Variants in CAMKMT observed in about 807,000 individuals in gnomAD.
CAMKMT encodes CaM KMT.
Under a neutral mutation model 48.0 loss-of-function variants are expected in CAMKMT, and 53 were observed. That is an observed-to-expected ratio of 1.10 (90% CI 0.89 to 1.39). The LOEUF is 1.39. Among genes scored for constraint, CAMKMT ranks in the 40% most tolerant of loss-of-function variants. The pLI is 0.00. For synonymous variants in CAMKMT, 165 were observed against 152.3 expected, an observed-to-expected ratio of 1.08 and a Z score of -0.61; for missense variants, 428 against 402.7, an observed-to-expected ratio of 1.06 and a Z score of -0.54.
intron 3 of CAMKMT, among the ~76,000 whole-genome samples, chr2:44,656,651 C>A (rs1253174446): frequency 1.3e-5 from 2 of 152,072 alleles, no homozygotes; most frequent in Non-Finnish European, 2.9e-5. Context: ...ACGCTGAAAC[C>A]CATTGTGCCC....
intron 3 of CAMKMT, among the ~76,000 whole-genome samples, chr2:44,466,069 C>T (rs181136246): frequency 1.1e-4 from 17 of 152,130 alleles, no homozygotes; most frequent in African/African-American, 3.6e-4. Context: ...GAAATAGTAA[C>T]GCAGTTAACA....
chr2:44,621,573 G>A (rs1327959870), intron 3 of CAMKMT, among the ~76,000 whole-genome samples: 1 of 152,200 alleles, frequency 6.6e-6, no homozygotes, highest in African/African-American at 2.4e-5. Flanking sequence ...GGAGCTGAAA[G>A]AAGGAATGTG....
chr2:44,496,141 T>C (rs1669742275), intron 3 of CAMKMT, among the ~76,000 whole-genome samples: 1 of 152,228 alleles, frequency 6.6e-6, no homozygotes, highest in South Asian at 2.1e-4. Context: ...CAGTACAATT[T>C]TACACTGTCC....
At chr2:44,706,377 G>C (rs1437335156) in intron 5 of CAMKMT, 36 bp downstream of exon 5, 2 of 1,609,168 alleles carry the variant, frequency 1.2e-6, no homozygotes, top group Non-Finnish European at 8.5e-7. Context: ...CATTCAGAGG[G>C]AGGAACAAAA....
chr2:44,595,318 T>G, intron 3 of CAMKMT, among the ~76,000 whole-genome samples: 1 of 152,198 alleles, frequency 6.6e-6, no homozygotes, highest in South Asian at 2.1e-4. Flanking sequence ...ACCCAAAGGA[T>G]TATAAATGAA....
At chr2:44,446,585 A>G (rs1213038796) in intron 3 of CAMKMT, among the ~76,000 whole-genome samples, 1 of 152,072 alleles carries the variant, frequency 6.6e-6, no homozygotes, top group African/African-American at 2.4e-5. Context: ...GCCTCAAGTG[A>G]TCCACCCACC....
intron 7 of CAMKMT, among the ~76,000 whole-genome samples, chr2:44,729,773 A>G (rs1284738211): frequency 6.6e-6 from 1 of 152,178 alleles, no homozygotes; most frequent in Non-Finnish European, 1.5e-5. Flanking sequence ...GAAATATTTG[A>G]TGAGGCAAAG....
At chr2:44,670,284 T>A (rs1558784451) in intron 3 of CAMKMT, among the ~76,000 whole-genome samples, 1 of 152,114 alleles carries the variant, frequency 6.6e-6, no homozygotes. Context: ...GAGAGCTCAT[T>A]AAAACACAGA....
chr2:44,379,964 C>A (rs779248704), intron 2 of CAMKMT, among the ~76,000 whole-genome samples: 2 of 152,012 alleles, frequency 1.3e-5, no homozygotes, highest in African/African-American at 4.8e-5. Context: ...TCTTTTGATG[C>A]ACAAAATTTT....
At chr2:44,739,963 G>A (rs894095219) in intron 7 of CAMKMT, among the ~76,000 whole-genome samples, 2 of 152,072 alleles carry the variant, frequency 1.3e-5, no homozygotes, top group African/African-American at 4.8e-5. Context: ...AGATCAAAGG[G>A]GATGGATCTA....
At chr2:44,664,981 C>T (rs1263339707) in intron 3 of CAMKMT, among the ~76,000 whole-genome samples, 4 of 152,094 alleles carry the variant, frequency 2.6e-5, no homozygotes, top group Admixed American at 2.6e-4. Flanking sequence ...ATTGCTACCC[C>T]CCAGGAATTC....
chr2:44,654,159 A>G (rs773486090), intron 3 of CAMKMT, among the ~76,000 whole-genome samples: 2 of 152,230 alleles, frequency 1.3e-5, no homozygotes, highest in Non-Finnish European at 2.9e-5. Flanking sequence ...AAACATTTCA[A>G]ATAGGATTCC....
intron 3 of CAMKMT, among the ~76,000 whole-genome samples, chr2:44,440,648 C>T (rs1018647110): frequency 2.0e-5 from 3 of 152,046 alleles, no homozygotes; most frequent in Admixed American, 6.6e-5. Flanking sequence ...TTCAAGGGCT[C>T]AGTAGCCACA....
chr2:44,553,741 T>G (rs1005179137), intron 3 of CAMKMT, among the ~76,000 whole-genome samples: 2 of 152,188 alleles, frequency 1.3e-5, no homozygotes, highest in African/African-American at 4.8e-5. Context: ...GATGGGAAGA[T>G]AGTCAACTGT....
chr2:44,702,196 G>A (rs2104260848), intron 3 of CAMKMT, among the ~76,000 whole-genome samples: 1 of 152,206 alleles, frequency 6.6e-6, no homozygotes, highest in South Asian at 2.1e-4. Context: ...TTCACTTGGT[G>A]TAGAGCATTG....
chr2:44,733,148 T>C (rs751948926), intron 7 of CAMKMT, among the ~76,000 whole-genome samples: 26 of 152,220 alleles, frequency 1.7e-4, no homozygotes, highest in Non-Finnish European at 2.8e-4. Flanking sequence ...AAATGGAGAC[T>C]CAATTGTTAA....
intron 2 of CAMKMT, among the ~76,000 whole-genome samples, chr2:44,379,947 T>C (rs980225387): frequency 5.9e-5 from 9 of 152,168 alleles, no homozygotes; most frequent in African/African-American, 2.2e-4. Context: ...TTTCTTGATA[T>C]GTAGTATCTT....
At chr2:44,524,172 A>G (rs1488887450) in intron 3 of CAMKMT, among the ~76,000 whole-genome samples, 2 of 152,154 alleles carry the variant, frequency 1.3e-5, no homozygotes, top group Non-Finnish European at 2.9e-5. Flanking sequence ...ACTGAACTCT[A>G]TTGGTCAAAG....
chr2:44,423,859 GTCT>G (rs1189263477), intron 3 of CAMKMT, among the ~76,000 whole-genome samples: 1 of 152,144 alleles, frequency 6.6e-6, no homozygotes, highest in Non-Finnish European at 1.5e-5. Context: ...TTTCTAAGTA[GTCT>G]TCTGGCAGTT....
Sources: gnomAD v4.1 joint callset for allele counts (sites outside exome capture counted in the v4.1 genomes callset) on GRCh38, gnomAD v4.1.1 for gene constraint, MANE v1.5 for transcripts, NCBI Gene and HGNC (gene_info 2026-07-23, HGNC 2026-07-21) for gene names.